ADARB2: variants seen among roughly 807,000 people sequenced by gnomAD.
ADARB2 encodes the protein adenosine deaminase RNA specific B2 (inactive).
ADARB2 carries 25 observed loss-of-function variants against 62.2 expected under a neutral mutation model. That is an observed-to-expected ratio of 0.40 (90% confidence interval 0.29 to 0.56). The LOEUF (loss-of-function observed/expected upper bound fraction) is 0.56. ADARB2 is among the 20% of genes least tolerant of loss of function. ADARB2 has a pLI of 0.43. For missense variants in ADARB2, 1,071 were observed against 1,077.4 expected, an observed-to-expected ratio of 0.99 and a Z score of 0.08; for synonymous variants, 572 against 500.8, an observed-to-expected ratio of 1.14 and a Z score of -1.90.
intron 1 of ADARB2, among the ~76,000 whole-genome samples, chr10:1,671,854 C>T (rs571953118): frequency 2.0e-5 from 3 of 152,178 alleles, no homozygotes; most frequent in African/African-American, 4.8e-5. Context: ...GTTAAGGAGA[C>T]GTCGCTGCTT....
chr10:1,475,112 G>T (rs950612443), intron 1 of ADARB2, among the ~76,000 whole-genome samples: 1 of 152,132 alleles, frequency 6.6e-6, no homozygotes, highest in Non-Finnish European at 1.5e-5. Flanking sequence ...AAATCAACGC[G>T]GCGTCGTCAA....
At chr10:1,549,892 C>T (rs1413101227) in intron 1 of ADARB2, among the ~76,000 whole-genome samples, 3 of 152,136 alleles carry the variant, frequency 2.0e-5, no homozygotes, top group Admixed American at 1.3e-4. Context: ...GGGTCTGCAG[C>T]GTGAGATTAG....
chr10:1,600,651 G>A (rs1377229741), intron 1 of ADARB2, among the ~76,000 whole-genome samples: 1 of 99,664 alleles, frequency 1.0e-5, no homozygotes, highest in Non-Finnish European at 1.8e-5. Context: ...AACAGAGTGA[G>A]ACTCTGTCTC....
Position 1,448,217 on chromosome 10 carries a change from C to T in ADARB2, c.101-69057G>A, listed in dbSNP as rs371116016. Among the ~76,000 whole-genome samples the T allele has an allele frequency of 5.3e-5, 8 of 152,292 alleles. No individual in the cohort carries two copies. The East Asian group carries it at 1.3e-3, about 26-fold the overall frequency. On this transcript the variant is annotated intron_variant, in intron 1 of 9. Coordinates refer to ENST00000381312, the MANE Select transcript of ADARB2 (RefSeq NM_018702.4). ...TGTTGGAAAACATATAAGACAGTAT[C>T]TATGAAGAGGCGAGGGGAAGATTAG... is the stretch of plus-strand genomic sequence containing the variant.
intron 4 of ADARB2, among the ~76,000 whole-genome samples, chr10:1,262,287 T>TATA (rs55721350): frequency 0.24 from 32,265 of 135,556 alleles, 4,332 homozygotes; most frequent in African/African-American, 0.27. Context: ...AAACTTAAAG[T>TATA]ATAATAATAA....
At chr10:1,458,468 A>C (rs1468435734) in intron 1 of ADARB2, among the ~76,000 whole-genome samples, 1 of 152,208 alleles carries the variant, frequency 6.6e-6, no homozygotes, top group Non-Finnish European at 1.5e-5. Context: ...TGATCACTAA[A>C]AACAATGAAA....
chr10:1,277,113 A>G (rs529612138), intron 3 of ADARB2, among the ~76,000 whole-genome samples: 1 of 152,260 alleles, frequency 6.6e-6, no homozygotes, highest in African/African-American at 2.4e-5. Context: ...AGCAGTGTGT[A>G]GAGGGAAATT....
intron 1 of ADARB2, among the ~76,000 whole-genome samples, chr10:1,537,406 A>G (rs1393195978): frequency 6.6e-6 from 1 of 152,274 alleles, no homozygotes; most frequent in Admixed American, 6.5e-5. Context: ...CAGTGCAACA[A>G]TTCCTCAAGG....
At chr10:1,614,315 T>C (rs1371951602) in intron 1 of ADARB2, among the ~76,000 whole-genome samples, 1 of 152,246 alleles carries the variant, frequency 6.6e-6, no homozygotes, top group African/African-American at 2.4e-5. Context: ...CCTTAAAACA[T>C]TGTTTTCTCA....
At chr10:1,661,176 C>A (rs943571654) in intron 1 of ADARB2, among the ~76,000 whole-genome samples, 10 of 152,126 alleles carry the variant, frequency 6.6e-5, no homozygotes, top group Admixed American at 2.6e-4. Context: ...CCAAAATAAA[C>A]CTGTCTTTGA....
At chr10:1,486,724 G>C (rs887261604) in intron 1 of ADARB2, among the ~76,000 whole-genome samples, 2 of 152,148 alleles carry the variant, frequency 1.3e-5, no homozygotes, top group African/African-American at 4.8e-5. Flanking sequence ...AGGGTGACCA[G>C]GGTTGGTGGG....
rs528243316 is a variant in ADARB2 at position 1,657,762 on chromosome 10, G to C, written c.100+79289C>G. ...GAGAGCTTCCTTTGCTGGGAGGCAT[G>C]GATGGGATGAACTCCCTGGAGGTGG... On this transcript the variant is annotated intron_variant, in intron 1 of 9. Coordinates refer to ENST00000381312, the MANE Select transcript of ADARB2 (RefSeq NM_018702.4). Among the ~76,000 whole-genome samples, 4 of 152,320 alleles carry C rather than the reference G, an allele frequency of 2.6e-5. No homozygotes were observed. The South Asian group carries it at 8.3e-4, about 32-fold the overall frequency.
chr10:1,299,098 G>T (rs1831550497), intron 3 of ADARB2, among the ~76,000 whole-genome samples: 1 of 151,860 alleles, frequency 6.6e-6, no homozygotes, highest in Non-Finnish European at 1.5e-5. Flanking sequence ...TGATGATAGT[G>T]AAGCCAGCTG....
intron 1 of ADARB2, among the ~76,000 whole-genome samples, chr10:1,389,549 C>T (rs1054249328): frequency 2.0e-5 from 3 of 152,092 alleles, no homozygotes; most frequent in African/African-American, 7.2e-5. Flanking sequence ...AAAAGACCAG[C>T]CTGGGCCACA....
intron 1 of ADARB2, among the ~76,000 whole-genome samples, chr10:1,570,347 G>A (rs1832918388): frequency 6.6e-6 from 1 of 152,150 alleles, no homozygotes; most frequent in Admixed American, 6.5e-5. Context: ...TTGCTACCTG[G>A]GCTGATTAAC....
At chr10:1,385,636 G>T (rs568680909) in intron 1 of ADARB2, among the ~76,000 whole-genome samples, 3 of 152,060 alleles carry the variant, frequency 2.0e-5, no homozygotes, top group African/African-American at 7.2e-5. Flanking sequence ...CAGACTCAAC[G>T]ATCTGTTGGA....
At chr10:1,283,805 G>A (rs939892752) in intron 3 of ADARB2, among the ~76,000 whole-genome samples, 1 of 152,242 alleles carries the variant, frequency 6.6e-6, no homozygotes, top group African/African-American at 2.4e-5. Context: ...GTAGGGACTG[G>A]GAGTGGGGTA....
chr10:1,204,268 CAGCCTTTTG>C (rs1271512165), intron 7 of ADARB2, among the ~76,000 whole-genome samples: 1 of 152,214 alleles, frequency 6.6e-6, no homozygotes, highest in Non-Finnish European at 1.5e-5. Flanking sequence ...TAGAAGCCAA[CAGCCTTTTG>C]ACTCAATAAC....
intron 1 of ADARB2, among the ~76,000 whole-genome samples, chr10:1,668,325 C>A (rs1834338368): frequency 6.6e-6 from 1 of 152,164 alleles, no homozygotes; most frequent in South Asian, 2.1e-4. Flanking sequence ...ACTGCTCCCT[C>A]TAGGAATGAG....
Sources: gnomAD v4.1 joint callset for allele counts (sites outside exome capture counted in the v4.1 genomes callset) on GRCh38, gnomAD v4.1.1 for gene constraint, MANE v1.5 for transcripts, NCBI Gene and HGNC (gene_info 2026-07-23, HGNC 2026-07-21) for gene names.